Variants in PDE4D observed in about 807,000 individuals in gnomAD.
PDE4D encodes phosphodiesterase 4D, also known as 3',5'-cyclic-AMP phosphodiesterase 4D.
PDE4D carries 24 observed loss-of-function variants against 87.4 expected under a neutral mutation model. That is an observed-to-expected ratio of 0.27 (90% CI 0.20 to 0.39). The LOEUF (loss-of-function observed/expected upper bound fraction) is 0.39, where lower values mean the gene tolerates loss of function less well. Among genes scored for constraint, PDE4D ranks in the 10% least tolerant of loss-of-function variants. The probability of loss-of-function intolerance (pLI) is 1.00; values close to 1 mark genes in which losing one functional copy is unlikely to be tolerated. For synonymous variants in PDE4D, 384 were observed against 383.2 expected (o/e 1.00, Z -0.02); for missense variants, 714 against 1,041.0 (o/e 0.69, Z 4.32).
chr5:60,320,322 C>G (rs1756121739), intron 1 of PDE4D, among the ~76,000 whole-genome samples: 1 of 152,232 alleles, frequency 6.6e-6, no homozygotes, highest in South Asian at 2.1e-4. Flanking sequence ...TTTGCTAAGA[C>G]TGTTGGAAAA....
chr5:59,520,335 T>C (rs1811969705), intron 1 of PDE4D, among the ~76,000 whole-genome samples: 1 of 152,196 alleles, frequency 6.6e-6, no homozygotes, highest in Non-Finnish European at 1.5e-5. Context: ...CCAAATTTGT[T>C]GTCAGTGACT....
At chr5:59,376,551 A>C (rs1784767427) in intron 1 of PDE4D, among the ~76,000 whole-genome samples, 1 of 152,220 alleles carries the variant, frequency 6.6e-6, no homozygotes, top group South Asian at 2.1e-4. Context: ...AAAAAAATAG[A>C]AAAACATTCC....
intron 6 of PDE4D, among the ~76,000 whole-genome samples, chr5:59,006,568 C>CCTGG (rs1478196409): frequency 5.3e-5 from 8 of 151,550 alleles, no homozygotes; most frequent in African/African-American, 1.9e-4. Context: ...GATGACAGAG[C>CCTGG]AAGACCTTGT....
chr5:60,422,251 C>T (rs1321465035), intron 1 of PDE4D, among the ~76,000 whole-genome samples: 1 of 152,056 alleles, frequency 6.6e-6, no homozygotes, highest in African/African-American at 2.4e-5. Context: ...TTCAGATTCA[C>T]CAAGGTTGAA....
chr5:59,814,605 A>C (rs1489200926), intron 1 of PDE4D, among the ~76,000 whole-genome samples: 1 of 152,208 alleles, frequency 6.6e-6, no homozygotes. Context: ...AGGGGAGGAC[A>C]TAACTGGTGT....
chr5:59,718,351 C>T (rs908619321), intron 1 of PDE4D, among the ~76,000 whole-genome samples: 1 of 152,108 alleles, frequency 6.6e-6, no homozygotes, highest in African/African-American at 2.4e-5. Flanking sequence ...TTGAAGAAAA[C>T]TCATTTCTCT....
In PDE4D at chr5:60,514,727, CA is replaced by C. The variant is rs151224415; in HGVS notation, n.70+7323del. Among the ~76,000 whole-genome samples the C allele has an allele frequency of 4.6e-5, 7 of 151,050 alleles. 1 individual carries two copies. The highest frequency in any genetic ancestry group is 2.6e-4 in the Admixed American group (4 of 15,168). ...TTTACAAAAAAAATTGTTAACACCACAAAAAAAATAACTCAATATTGAAATG... is the reference window on the plus strand; with the variant it reads ...TTTACAAAAAAAATTGTTAACACCACAAAAAAATAACTCAATATTGAAATG... On this transcript the variant is annotated intron_variant and non_coding_transcript_variant, in intron 1 of 2. Transcript: ENST00000506510.
At chr5:59,213,352 A>G (rs887626200) in intron 2 of PDE4D, among the ~76,000 whole-genome samples, 2 of 151,904 alleles carry the variant, frequency 1.3e-5, no homozygotes, top group Admixed American at 6.6e-5. Flanking sequence ...AGTAAGGACA[A>G]GGTCTCACTA....
chr5:59,489,310 C>T (rs1038676141), intron 1 of PDE4D, among the ~76,000 whole-genome samples: 1 of 151,584 alleles, frequency 6.6e-6, no homozygotes, highest in Non-Finnish European at 1.5e-5. Context: ...TTGCTGTGGT[C>T]CCTCTGTAAT....
chr5:60,229,929 C>T (rs1462847425), intron 1 of PDE4D, among the ~76,000 whole-genome samples: 1 of 152,118 alleles, frequency 6.6e-6, no homozygotes, highest in Non-Finnish European at 1.5e-5. Context: ...TTACATAACT[C>T]TTCTTCATTC....
chr5:60,134,764 G>GA (rs1294114928), intron 2 of PDE4D, among the ~76,000 whole-genome samples: 1 of 152,202 alleles, frequency 6.6e-6, no homozygotes, highest in Middle Eastern at 3.4e-3. Context: ...ATAATGACAA[G>GA]AAAAAAACAT....
At chr5:59,013,495 A>C (rs1287872862) in intron 6 of PDE4D, among the ~76,000 whole-genome samples, 1 of 146,454 alleles carries the variant, frequency 6.8e-6, no homozygotes, top group Non-Finnish European at 1.5e-5. Flanking sequence ...CAGAGATACA[A>C]ACTACCATCA....
rs11373971 is a variant in PDE4D, at chr5:58,989,986, T to TA, written c.1288-68dup. The TA allele has an allele frequency of 0.61, 398,808 of 658,672 alleles. 93,516 individuals are homozygous for TA. Among genetic ancestry groups the TA allele is most frequent in the African/African-American group, 0.73 (38,605 of 52,616 alleles). The allele number at this position is 658,672 out of a possible 1,614,324, so 40.8% of individuals were successfully genotyped here. A position where few individuals can be genotyped will look rare whatever the true frequency, so the allele number is the denominator to read the frequency against. On this transcript the variant is annotated intron_variant, in intron 9 of 14. Coordinates refer to ENST00000340635, the MANE Select transcript of PDE4D (RefSeq NM_001104631.2). The stretch of plus-strand genomic sequence containing the variant: ...GAAAAATTTCTCCATAGAGTATGTT[T>TA]AAAAAAAAAAATCACACACCAGTGT...
intron 3 of PDE4D, among the ~76,000 whole-genome samples, chr5:59,930,163 CAAAAA>C (rs35465849): frequency 4.8e-5 from 4 of 82,946 alleles, no homozygotes; most frequent in Non-Finnish European, 8.7e-5. Flanking sequence ...ACTCCGTCTC[CAAAAA>C]AAAAAAAAAA....
chr5:59,313,816 C>G (rs749153974), intron 1 of PDE4D, among the ~76,000 whole-genome samples: 2 of 152,140 alleles, frequency 1.3e-5, no homozygotes. Flanking sequence ...AAAATCTCAA[C>G]TAATCCCCTC....
At chr5:59,684,803 A>G (rs1749588015) in intron 1 of PDE4D, among the ~76,000 whole-genome samples, 1 of 152,208 alleles carries the variant, frequency 6.6e-6, no homozygotes, top group South Asian at 2.1e-4. Flanking sequence ...ATTCCTGGGA[A>G]ACAGGATTCC....
intron 1 of PDE4D, among the ~76,000 whole-genome samples, chr5:59,229,761 G>A (rs4699938): frequency 0.018 from 2,712 of 152,222 alleles, 133 homozygotes; most frequent in Admixed American, 0.092. Context: ...AACTGGATGG[G>A]TGAAAATAAA....
chr5:60,314,426 C>T (rs1017532760), intron 1 of PDE4D, among the ~76,000 whole-genome samples: 1 of 152,124 alleles, frequency 6.6e-6, no homozygotes, highest in Non-Finnish European at 1.5e-5. Flanking sequence ...CTTAGCCTCC[C>T]AAAGTGCTGG....
chr5:60,097,265 T>TTG (rs57591657), intron 2 of PDE4D, among the ~76,000 whole-genome samples: 2,186 of 146,562 alleles, frequency 0.015, 37 homozygotes, highest in African/African-American at 0.035. Flanking sequence ...TGCTATGAAG[T>TTG]TGTGTGTGTG....
Sources: allele counts gnomAD v4.1 joint callset (sites outside exome capture counted in the v4.1 genomes callset), GRCh38; gene constraint gnomAD v4.1.1; transcripts MANE v1.5; gene names NCBI Gene and HGNC (gene_info 2026-07-23, HGNC 2026-07-21).